The following FMN1 variants were observed in gnomAD, a reference collection of about 807,000 sequenced individuals.
FMN1 encodes formin-1.
A neutral mutation model predicts 132.4 loss-of-function variants in FMN1; 110 were observed. The ratio of observed to expected loss-of-function variants is 0.83; its 90% CI spans 0.71 to 0.97. The LOEUF (loss-of-function observed/expected upper bound fraction) is 0.97. FMN1 is among the 50% of genes least tolerant of loss of function. FMN1 has a pLI of 0.00. For missense variants in FMN1, 1,792 were observed against 1,705.3 expected, an observed-to-expected ratio of 1.05 and a Z score of -0.90; for synonymous variants, 722 against 651.7, an observed-to-expected ratio of 1.11 and a Z score of -1.64.
At chr15:32,776,736 G>C in intron 20 of FMN1, 99 bp downstream of exon 20, 1 of 622,470 alleles carries the variant, frequency 1.6e-6, no homozygotes, top group Non-Finnish European at 2.8e-6. Context: ...TGGGAACTGA[G>C]AATCTGGATA....
rs552525125 is a variant in FMN1, at chr15:33,038,557, A to T, written c.2161+26400T>A. On this transcript the variant is annotated intron_variant, in intron 6 of 20. Transcript: ENST00000616417. ...CTGTCATCAAAAGAATTTTAATTTT[A>T]GGTTTACTTCTGGACTGAGTTATAA... 2.6e-5 allele frequency among the ~76,000 whole-genome samples: 4 copies of T among 152,342 alleles called. No homozygotes were observed. In the South Asian group the frequency reaches 8.3e-4, roughly 32 times the overall value.
intron 16 of FMN1, among the ~76,000 whole-genome samples, chr15:32,887,686 A>G (rs1204025002): frequency 2.0e-5 from 3 of 147,910 alleles, no homozygotes; most frequent in African/African-American, 4.9e-5. Flanking sequence ...AAGTTCTAGA[A>G]ACTAGAAACT....
intron 4 of FMN1, among the ~76,000 whole-genome samples, chr15:33,136,508 G>A (rs916901973): frequency 6.6e-6 from 1 of 152,086 alleles, no homozygotes; most frequent in African/African-American, 2.4e-5. Flanking sequence ...CAGATTTCAG[G>A]GTGAAAATGT....
intron 5 of FMN1, among the ~76,000 whole-genome samples, chr15:33,087,567 C>A (rs919026487): frequency 1.2e-4 from 18 of 152,010 alleles, no homozygotes; most frequent in Admixed American, 1.0e-3. Flanking sequence ...ACAACAACAA[C>A]AACAAAAAGA....
intron 17 of FMN1, among the ~76,000 whole-genome samples, chr15:32,848,950 A>G (rs1005432578): frequency 4.0e-5 from 6 of 148,374 alleles, no homozygotes; most frequent in Non-Finnish European, 8.9e-5. Flanking sequence ...GACCAGCTGA[A>G]TATCAGTCTT....
intron 8 of FMN1, among the ~76,000 whole-genome samples, chr15:32,968,449 G>C (rs770053661): frequency 1.3e-5 from 2 of 152,142 alleles, no homozygotes; most frequent in Admixed American, 6.5e-5. Context: ...CTCTTGTCTA[G>C]TCTGTAAAAT....
At chr15:32,934,555 C>T (rs563861648) in intron 9 of FMN1, among the ~76,000 whole-genome samples, 59 of 150,752 alleles carry the variant, frequency 3.9e-4, no homozygotes, top group Non-Finnish European at 7.5e-4. Context: ...TATTTATCTA[C>T]GAACATCTAT....
chr15:33,028,180 A>G (rs1345753502), intron 6 of FMN1, among the ~76,000 whole-genome samples: 2 of 152,220 alleles, frequency 1.3e-5, no homozygotes, highest in Non-Finnish European at 2.9e-5. Context: ...GATGCGTGTT[A>G]GGAGCTGGAA....
At chr15:32,783,199 G>C (rs772789758) in intron 19 of FMN1, among the ~76,000 whole-genome samples, 1 of 151,434 alleles carries the variant, frequency 6.6e-6, no homozygotes, top group African/African-American at 2.4e-5. Context: ...AAAAGAATTT[G>C]GAAATATAGG....
chr15:32,927,618 C>T (rs2060994472), intron 9 of FMN1, among the ~76,000 whole-genome samples: 1 of 152,124 alleles, frequency 6.6e-6, no homozygotes, highest in South Asian at 2.1e-4. Context: ...CTCCACATAC[C>T]TCATTGCCAG....
At chr15:33,126,913 T>C (rs1963136801) in intron 4 of FMN1, among the ~76,000 whole-genome samples, 1 of 152,216 alleles carries the variant, frequency 6.6e-6, no homozygotes, top group African/African-American at 2.4e-5. Flanking sequence ...GGGATAAACG[T>C]TTCATCTTGA....
At chr15:33,066,883 A>T in intron 5 of FMN1, 1 of 1,613,840 alleles carries the variant, frequency 6.2e-7, no homozygotes, top group Non-Finnish European at 8.5e-7. Context: ...TGGCCTTCGG[A>T]TCAGTTGCTT....
intron 17 of FMN1, among the ~76,000 whole-genome samples, chr15:32,826,628 G>A (rs778020090): frequency 1.3e-5 from 2 of 152,202 alleles, no homozygotes; most frequent in Non-Finnish European, 2.9e-5. Context: ...GTTTAATCCA[G>A]ACTTCTTGCC....
Position 32,773,910 on chromosome 15 carries a change from T to TC in FMN1, c.*399dup, listed in dbSNP as rs2056329954. ...TGTGTAACGACAAAGACTTGAACTC[T>TC]CCCAAGGCAACTGTCCTCAATGATC... On this transcript the variant is annotated 3_prime_UTR_variant, in exon 21 of 21. Coordinates refer to ENST00000616417, the MANE Select transcript of FMN1 (RefSeq NM_001277313.2). 4.6e-6 allele frequency: 1 copy of TC among 218,122 alleles called. No individual in the cohort carries two copies. Among genetic ancestry groups the TC allele is most frequent in the Non-Finnish European group, 8.9e-6 (1 of 112,638 alleles). 13.5% of individuals were successfully genotyped at this position (218,122 alleles called of 1,614,324 possible).
chr15:33,119,138 TAGAG>T (rs1263940237), intron 4 of FMN1, among the ~76,000 whole-genome samples: 2 of 152,186 alleles, frequency 1.3e-5, no homozygotes, highest in Non-Finnish European at 1.5e-5. Context: ...AAACACTAAG[TAGAG>T]AGAAACTTCT....
chr15:32,980,240 T>G (rs576979138), intron 7 of FMN1, among the ~76,000 whole-genome samples: 1 of 152,048 alleles, frequency 6.6e-6, no homozygotes, highest in East Asian at 1.9e-4. Context: ...AATATAATCT[T>G]AATTCCTTAA....
intron 4 of FMN1, among the ~76,000 whole-genome samples, chr15:33,144,374 C>A (rs2468754): frequency 4.3e-4 from 65 of 151,544 alleles, no homozygotes; most frequent in African/African-American, 1.2e-3. Context: ...TGGTGGCTCA[C>A]TCCTGTAATC....
chr15:33,066,628 A>G, intron 5 of FMN1: 1 of 1,613,912 alleles, frequency 6.2e-7, no homozygotes, highest in Non-Finnish European at 8.5e-7. Flanking sequence ...CAGAGGTGTC[A>G]GCTGTGGTCC....
intron 16 of FMN1, among the ~76,000 whole-genome samples, chr15:32,867,783 G>A (rs563878377): frequency 3.0e-4 from 45 of 152,176 alleles, no homozygotes; most frequent in Non-Finnish European, 5.0e-4. Context: ...GAGCCACCGC[G>A]CCCGGCCATC....
Sources: gnomAD v4.1 joint callset for allele counts (sites outside exome capture counted in the v4.1 genomes callset) on GRCh38, gnomAD v4.1.1 for gene constraint, MANE v1.5 for transcripts, NCBI Gene and HGNC (gene_info 2026-07-23, HGNC 2026-07-21) for gene names.